Variants in PHF20 observed in about 807,000 individuals in gnomAD.
PHF20 encodes PHD finger protein 20.
Under a neutral mutation model 113.5 loss-of-function variants are expected in PHF20, and 23 were observed. The observed-to-expected ratio is 0.20, with a 90% confidence interval of 0.15 to 0.29. PHF20 has a LOEUF of 0.29. PHF20 is among the 10% of genes least tolerant of loss of function. The pLI is 1.00. For synonymous variants in PHF20, 434 were observed against 457.3 expected (o/e 0.95, Z 0.65); for missense variants, 943 against 1,219.6 (o/e 0.77, Z 3.38).
At chr20:35,794,300 C>CAAAAAA (rs369191805) in intron 1 of PHF20, among the ~76,000 whole-genome samples, 5 of 96,102 alleles carry the variant, frequency 5.2e-5, no homozygotes, top group Non-Finnish European at 1.1e-4. Flanking sequence ...AACTCTGTCT[C>CAAAAAA]AAAAAAAAAA....
chr20:35,913,338 A>G lies in PHF20; in HGVS notation c.1651A>G (p.Thr551Ala). Residue 551 changes from threonine (T) to alanine (A), a missense_variant, in exon 11 of 18, where the codon ACC (threonine) becomes GCC (alanine). This residue lies in a region of PHF20 where 592 missense variants were observed against 787.2 expected (regional missense o/e 0.75). Coordinates refer to ENST00000374012, the MANE Select transcript of PHF20 (RefSeq NM_016436.5). ...PKKKKKKKKK[T>A]KPECPCSEEI... Reference sequence around the variant, plus strand: ...GAAGAAAAAGAAAAAGAAAAAGAAAACCAAACCTGGTAATTTTTTTTCCTG... The same window carrying G: ...GAAGAAAAAGAAAAAGAAAAAGAAAGCCAAACCTGGTAATTTTTTTTCCTG... 6.3e-7 allele frequency: 1 copy of G among 1,592,202 alleles called. No homozygotes were observed. The highest frequency in any genetic ancestry group is 8.6e-7 in the Non-Finnish European group (1 of 1,168,960).
chr20:35,788,250 C>G (rs1179980612), intron 1 of PHF20, among the ~76,000 whole-genome samples: 1 of 151,846 alleles, frequency 6.6e-6, no homozygotes, highest in African/African-American at 2.4e-5. Context: ...GCGCCCGCCA[C>G]CACGCCCGGC....
At chr20:35,863,539 T>C in intron 6 of PHF20, 139 bp downstream of exon 6, 1 of 897,902 alleles carries the variant, frequency 1.1e-6, no homozygotes, top group South Asian at 2.2e-5. Flanking sequence ...TGGAAACAAG[T>C]TGTGTTCATG....
intron 9 of PHF20, among the ~76,000 whole-genome samples, chr20:35,873,020 T>C (rs573555058): frequency 1.3e-4 from 20 of 152,296 alleles, no homozygotes; most frequent in African/African-American, 4.8e-4. Context: ...ATCTCTGTTA[T>C]TGTGGATTTG....
At chr20:35,946,348 C>T (rs999549541) in intron 17 of PHF20, among the ~76,000 whole-genome samples, 7 of 152,228 alleles carry the variant, frequency 4.6e-5, no homozygotes, top group Admixed American at 1.3e-4. Flanking sequence ...GCAGGAGAAT[C>T]GCTTGAACCT....
At chr20:35,791,093 G>A (rs1020179459) in intron 1 of PHF20, among the ~76,000 whole-genome samples, 4 of 152,132 alleles carry the variant, frequency 2.6e-5, no homozygotes, top group African/African-American at 9.7e-5. Context: ...TCCTGACCTT[G>A]TGATCCACCT....
chr20:35,789,295 G>A (rs533018525), intron 1 of PHF20, among the ~76,000 whole-genome samples: 1 of 152,054 alleles, frequency 6.6e-6, no homozygotes, highest in African/African-American at 2.4e-5. Flanking sequence ...GCCTGGCATG[G>A]TGGCTTGCTC....
rs189040131 is a variant in PHF20, at chr20:35,904,485, A to G, written c.1561+4837A>G. Reference sequence around the variant, plus strand: ...TTTTTAGTACAGATGGGGTTTTGCCATGTTGTCCAGGCTGGTCTTGAACTC... The same window carrying G: ...TTTTTAGTACAGATGGGGTTTTGCCGTGTTGTCCAGGCTGGTCTTGAACTC... On this transcript the variant is annotated intron_variant, in intron 10 of 17. Coordinates refer to ENST00000374012, the MANE Select transcript of PHF20 (RefSeq NM_016436.5). Among the ~76,000 whole-genome samples the G allele has an allele frequency of 2.3e-4, 35 of 151,986 alleles. No homozygotes were observed. In the East Asian group the frequency reaches 6.6e-3, roughly 29 times the overall value.
chr20:35,902,434 T>C (rs543137839), intron 10 of PHF20, among the ~76,000 whole-genome samples: 18 of 152,294 alleles, frequency 1.2e-4, no homozygotes, highest in Admixed American at 2.6e-4. Context: ...CAGGAGGCCA[T>C]TGAGGGACCC....
At position 35,832,658 on chromosome 20, in the gene PHF20, G is replaced by A. The variant is rs147060277; in HGVS notation, c.84-9915G>A. On this transcript the variant is annotated intron_variant, in intron 2 of 17. Transcript: ENST00000374012. ...AGGTAACGGGAGCATACTCGGTATGGGAAGGTGTGTGGTGTGTTTGAGGAA... is the reference window on the plus strand; with the variant it reads ...AGGTAACGGGAGCATACTCGGTATGAGAAGGTGTGTGGTGTGTTTGAGGAA... Among the ~76,000 whole-genome samples the A allele has an allele frequency of 5.3e-5, 8 of 152,262 alleles. No individual in the cohort carries two copies. In the East Asian group the frequency reaches 1.5e-3, roughly 29 times the overall value.
At chr20:35,840,302 A>G (rs908989344) in intron 2 of PHF20, among the ~76,000 whole-genome samples, 4 of 152,194 alleles carry the variant, frequency 2.6e-5, no homozygotes, top group Non-Finnish European at 5.9e-5. Context: ...TAGTTGAAAT[A>G]AAAAGGTATT....
At chr20:35,775,776 G>A (rs1474378186) in intron 1 of PHF20, among the ~76,000 whole-genome samples, 4 of 138,424 alleles carry the variant, frequency 2.9e-5, no homozygotes, top group African/African-American at 1.1e-4. Flanking sequence ...AAAAAAAAAG[G>A]CCAAAACTTC....
intron 4 of PHF20, chr20:35,856,515 G>T (rs915517390): frequency 1.3e-5 from 2 of 152,182 alleles, no homozygotes; most frequent in African/African-American, 4.8e-5. Context: ...AGAAGCACTG[G>T]TTTACTCTGA....
intron 2 of PHF20, among the ~76,000 whole-genome samples, chr20:35,803,684 A>ATATGTGTGTGTG (rs1555917992): frequency 6.9e-6 from 1 of 144,340 alleles, no homozygotes; most frequent in Non-Finnish European, 1.5e-5. Flanking sequence ...GTATATATAT[A>ATATGTGTGTGTG]TGTGTGTGTG....
intron 13 of PHF20, among the ~76,000 whole-genome samples, chr20:35,922,424 G>T (rs1049968918): frequency 6.6e-6 from 1 of 152,122 alleles, no homozygotes; most frequent in African/African-American, 2.4e-5. Flanking sequence ...ACCTTAAATT[G>T]ATATTTTGAA....
At chr20:35,935,418 G>C (rs1291932723) in intron 15 of PHF20, among the ~76,000 whole-genome samples, 2 of 152,164 alleles carry the variant, frequency 1.3e-5, no homozygotes, top group Non-Finnish European at 2.9e-5. Flanking sequence ...CCAGGCTGGA[G>C]TGCAGTGGTA....
intron 9 of PHF20, chr20:35,878,742 A>G (rs770118151): frequency 1.5e-5 from 11 of 749,340 alleles, no homozygotes; most frequent in Non-Finnish European, 2.7e-5. Flanking sequence ...AGAAGAAGAG[A>G]CGCTGTCTTG....
intron 5 of PHF20, among the ~76,000 whole-genome samples, chr20:35,861,339 AACTTG>A (rs1222091129): frequency 2.6e-5 from 4 of 152,162 alleles, no homozygotes; most frequent in Non-Finnish European, 4.4e-5. Context: ...TTTGGTGTGT[AACTTG>A]ACTTAACAAT....
At chr20:35,903,077 C>CTTTTT (rs376888832) in intron 10 of PHF20, among the ~76,000 whole-genome samples, 10 of 59,986 alleles carry the variant, frequency 1.7e-4, no homozygotes, top group East Asian at 4.5e-4. Context: ...CCTATCCTTT[C>CTTTTT]TTTTTTTTTT....
Sources: allele counts gnomAD v4.1 joint callset (sites outside exome capture counted in the v4.1 genomes callset), GRCh38; gene constraint gnomAD v4.1.1; regional missense constraint gnomAD v4.1.1; transcripts MANE v1.5; gene names NCBI Gene and HGNC (gene_info 2026-07-23, HGNC 2026-07-21).